Variants in FBXO11 observed in about 807,000 individuals in gnomAD.
FBXO11 encodes F-box protein 11.
Under a neutral mutation model 117.0 loss-of-function variants are expected in FBXO11, and 13 were observed. The observed-to-expected ratio is 0.11, with a 90% CI of 0.07 to 0.18. The LOEUF (loss-of-function observed/expected upper bound fraction) is 0.18. Among genes scored for constraint, FBXO11 ranks in the 10% least tolerant of loss-of-function variants. FBXO11 has a pLI of 1.00. For missense variants in FBXO11, 767 were observed against 1,164.4 expected, an observed-to-expected ratio of 0.66 and a Z score of 4.97; for synonymous variants, 490 against 380.5, an observed-to-expected ratio of 1.29 and a Z score of -3.35.
intron 11 of FBXO11, among the ~76,000 whole-genome samples, chr2:47,832,054 C>T (rs1672234813): frequency 6.6e-6 from 1 of 152,098 alleles, no homozygotes; most frequent in Non-Finnish European, 1.5e-5. Context: ...AAACAGAAAG[C>T]TTTTGGGTGG....
At chr2:47,826,223 A>T (rs1318752120) in intron 11 of FBXO11, among the ~76,000 whole-genome samples, 2 of 151,820 alleles carry the variant, frequency 1.3e-5, no homozygotes, top group Non-Finnish European at 2.9e-5. Flanking sequence ...ATGCCCAGCT[A>T]ATTTTTTGTA....
At chr2:47,853,918 C>T (rs1031478776) in intron 1 of FBXO11, among the ~76,000 whole-genome samples, 25 of 152,186 alleles carry the variant, frequency 1.6e-4, no homozygotes, top group African/African-American at 5.1e-4. Flanking sequence ...CAAAATACTA[C>T]TCATGACAGG....
At chr2:47,836,301 T>C (rs1672557669) in intron 4 of FBXO11, among the ~76,000 whole-genome samples, 1 of 152,188 alleles carries the variant, frequency 6.6e-6, no homozygotes, top group Non-Finnish European at 1.5e-5. Flanking sequence ...AAAAACAGGA[T>C]TTAAAACGTG....
At position 47,832,593 on chromosome 2, in the gene FBXO11, T is replaced by C. The variant is rs761487410; in HGVS notation, c.1239A>G (p.Leu413=). ...CNISDCENVG[L]YITDHAQGIY... ...ATACCTGTGCATGATCTGTTATATATAGTCCAACATTTTCACAGTCACTGA... is the reference window on the plus strand; with the variant it reads ...ATACCTGTGCATGATCTGTTATATACAGTCCAACATTTTCACAGTCACTGA... The change falls in exon 10 of 23, where the codon CTA becomes CTG. Residue 413 remains leucine (L), a synonymous_variant. Coordinates refer to ENST00000403359, the MANE Select transcript of FBXO11 (RefSeq NM_001190274.2). 6.2e-6 allele frequency: 10 copies of C among 1,613,618 alleles called. No individual in the cohort carries two copies. In the East Asian group the frequency reaches 1.1e-4, roughly 18 times the overall value.
chr2:47,819,796 T>C (rs1328888831), intron 14 of FBXO11, among the ~76,000 whole-genome samples: 1 of 152,222 alleles, frequency 6.6e-6, no homozygotes, highest in Non-Finnish European at 1.5e-5. Flanking sequence ...ACTGAGGACA[T>C]GTGCATCTCT....
At chr2:47,810,114 A>T (rs979517577) in intron 19 of FBXO11, 13 of 527,538 alleles carry the variant, frequency 2.5e-5, no homozygotes, top group African/African-American at 2.3e-4. Flanking sequence ...AAGCAATAAG[A>T]GCAATATTTC....
At chr2:47,837,657 C>CGGGA (rs1672689618) in intron 4 of FBXO11, among the ~76,000 whole-genome samples, 1 of 152,186 alleles carries the variant, frequency 6.6e-6, no homozygotes, top group East Asian at 1.9e-4. Context: ...AACAGTCTGC[C>CGGGA]ATATTTGCTT....
chr2:47,872,116 T>C (rs1413746289), intron 1 of FBXO11, among the ~76,000 whole-genome samples: 3 of 152,210 alleles, frequency 2.0e-5, no homozygotes, highest in South Asian at 2.1e-4. Flanking sequence ...TTTCCTGTTA[T>C]AAGTTTACCT....
intron 20 of FBXO11, 95 bp from the exon 21 acceptor site, chr2:47,809,361 T>C: frequency 2.5e-6 from 2 of 798,872 alleles, no homozygotes. Context: ...GAGCCACTAT[T>C]TTTAAGAGCT....
intron 20 of FBXO11, 83 bp from the exon 21 acceptor site, chr2:47,809,349 A>G: frequency 1.1e-6 from 1 of 875,752 alleles, no homozygotes; most frequent in Non-Finnish European, 1.7e-6. Flanking sequence ...ATTCTAACAG[A>G]AGAGCCACTA....
At chr2:47,857,556 G>GA (rs1489460499) in intron 1 of FBXO11, among the ~76,000 whole-genome samples, 2 of 152,092 alleles carry the variant, frequency 1.3e-5, no homozygotes, top group Non-Finnish European at 1.5e-5. Flanking sequence ...TAGAAGCTTA[G>GA]AAAATCAATA....
At chr2:47,820,075 A>C (rs1343452600) in intron 14 of FBXO11, among the ~76,000 whole-genome samples, 2 of 152,246 alleles carry the variant, frequency 1.3e-5, no homozygotes, top group Non-Finnish European at 2.9e-5. Context: ...TGCTGAGGCT[A>C]GCCCATATTG....
chr2:47,837,670 A>C (rs960627158), intron 4 of FBXO11, among the ~76,000 whole-genome samples: 5 of 152,172 alleles, frequency 3.3e-5, no homozygotes, highest in African/African-American at 1.2e-4. Flanking sequence ...ATTTGCTTCC[A>C]CTCATTTTAT....
Position 47,809,107 on chromosome 2 carries a change from A to G in FBXO11, c.2555+51T>C, listed in dbSNP as rs1229771021. ...AAAATGCTAGGCATTGCTAATTTAA[A>G]AAGGAAATCAGTCTTCCTCTTTTCA... is the stretch of plus-strand genomic sequence containing the variant. On this transcript the variant is annotated intron_variant, in intron 21 of 22. Coordinates refer to ENST00000403359, the MANE Select transcript of FBXO11 (RefSeq NM_001190274.2). 3 of 1,202,654 alleles carry G rather than the reference A, an allele frequency of 2.5e-6. No individual in the cohort carries two copies. The African/African-American group carries it at 4.6e-5, about 19-fold the overall frequency. 74.5% of individuals were successfully genotyped at this position (1,202,654 alleles called of 1,614,324 possible). A position where few individuals can be genotyped will look rare whatever the true frequency, so the allele number is the denominator to read the frequency against.
chr2:47,808,655 G>A (rs561574873), intron 21 of FBXO11: 13 of 425,454 alleles, frequency 3.1e-5, no homozygotes, highest in Non-Finnish European at 5.4e-5. Context: ...TATAAAGGCA[G>A]TTCTTTCCAC....
intron 18 of FBXO11, 73 bp from the exon 19 acceptor site, chr2:47,810,499 G>A (rs926361714): frequency 1.7e-5 from 16 of 938,446 alleles, no homozygotes; most frequent in Middle Eastern, 6.3e-4. Flanking sequence ...TGGTATTTAG[G>A]TTTGCTTTTA....
At chr2:47,896,579 C>T (rs1677685938) in intron 1 of FBXO11, among the ~76,000 whole-genome samples, 2 of 152,158 alleles carry the variant, frequency 1.3e-5, no homozygotes, top group Admixed American at 6.5e-5. Flanking sequence ...ATCCACCCCA[C>T]CCAGCCTCCC....
At chr2:47,821,708 C>G (rs948374455) in intron 13 of FBXO11, among the ~76,000 whole-genome samples, 2 of 152,034 alleles carry the variant, frequency 1.3e-5, no homozygotes, top group African/African-American at 2.4e-5. Flanking sequence ...TCGCTTGAAC[C>G]TGGGAGGCAG....
At chr2:47,858,513 C>T (rs1040815380) in intron 1 of FBXO11, among the ~76,000 whole-genome samples, 1 of 150,186 alleles carries the variant, frequency 6.7e-6, no homozygotes, top group Non-Finnish European at 1.5e-5. Flanking sequence ...GTATCCCCGT[C>T]TCTACTAAAA....
Sources: gnomAD v4.1 joint callset for allele counts (sites outside exome capture counted in the v4.1 genomes callset) on GRCh38, gnomAD v4.1.1 for gene constraint, MANE v1.5 for transcripts, NCBI Gene and HGNC (gene_info 2026-07-23, HGNC 2026-07-21) for gene names.